RBFOX3: variants seen among roughly 807,000 people sequenced by gnomAD.
The protein encoded by RBFOX3 is RNA binding fox-1 homolog 3.
A neutral mutation model predicts 48.7 loss-of-function variants in RBFOX3; 17 were observed. The observed-to-expected ratio is 0.35, with a 90% CI of 0.24 to 0.52. RBFOX3 has a LOEUF of 0.52. Among genes scored for constraint, RBFOX3 ranks in the 20% least tolerant of loss-of-function variants. The probability of loss-of-function intolerance (pLI) is 0.94; values close to 1 mark genes in which losing one functional copy is unlikely to be tolerated. For synonymous variants in RBFOX3, 212 were observed against 209.5 expected (o/e 1.01, Z -0.10); for missense variants, 382 against 497.5 (o/e 0.77, Z 2.21).
intron 2 of RBFOX3, among the ~76,000 whole-genome samples, chr17:79,371,553 T>C (rs1170639639): frequency 6.6e-6 from 1 of 152,156 alleles, no homozygotes; most frequent in Non-Finnish European, 1.5e-5. Flanking sequence ...GACACCACTC[T>C]GTTTAAAGAG....
At chr17:79,462,633 C>T (rs1598799330) in intron 2 of RBFOX3, among the ~76,000 whole-genome samples, 1 of 152,168 alleles carries the variant, frequency 6.6e-6, no homozygotes, top group Non-Finnish European at 1.5e-5. Context: ...GGATCCTGCT[C>T]AGTGTCCTAC....
intron 3 of RBFOX3, among the ~76,000 whole-genome samples, chr17:79,250,772 T>C (rs8076028): frequency 0.18 from 26,540 of 150,628 alleles, 2,985 homozygotes; most frequent in African/African-American, 0.32. Context: ...TTTCTTTTTC[T>C]TTCCCTCCCT....
chr17:79,262,996 A>T (rs1035310545), intron 3 of RBFOX3, among the ~76,000 whole-genome samples: 9 of 152,218 alleles, frequency 5.9e-5, no homozygotes, highest in African/African-American at 2.2e-4. Context: ...GTAAGGCCTC[A>T]GCTGCCTCCC....
intron 12 of RBFOX3, 80 bp downstream of exon 12, chr17:79,096,573 T>G: frequency 7.9e-7 from 1 of 1,266,468 alleles, no homozygotes; most frequent in Non-Finnish European, 1.1e-6. Flanking sequence ...GAGCGGGCAG[T>G]GAGAGAGGAG....
rs1265945560 is a variant in RBFOX3 at position 79,311,647 on chromosome 17, G to A, written c.-174-3823C>T. Reference sequence around the variant, plus strand: ...GTCCTGTTGACTTTGTTTACCTGGAGAACTCTGAGTCAGGCCCTCTGGGGT... The same window carrying A: ...GTCCTGTTGACTTTGTTTACCTGGAAAACTCTGAGTCAGGCCCTCTGGGGT... On this transcript the variant is annotated intron_variant, in intron 2 of 14. Transcript: ENST00000693108. This position sits in a 1 kb window ranked among gnomAD's most constrained non-coding sequence, Gnocchi z 4.2. Among the ~76,000 whole-genome samples the A allele has an allele frequency of 6.6e-6, 1 of 152,122 alleles. No homozygotes were observed. Among genetic ancestry groups the A allele is most frequent in the Non-Finnish European group, 1.5e-5 (1 of 68,040 alleles).
intron 3 of RBFOX3, among the ~76,000 whole-genome samples, chr17:79,261,429 G>A (rs2065758160): frequency 6.6e-6 from 1 of 152,196 alleles, no homozygotes. Flanking sequence ...AGAAAGTGGT[G>A]TTCTGAGGGG....
At chr17:79,659,980 A>G in the RBFOX3 span, among the ~76,000 whole-genome samples, 78 of 152,182 alleles carry the variant, frequency 5.1e-4, no homozygotes, top group Non-Finnish European at 2.6e-4. Flanking sequence ...TGAGGTCAGG[A>G]GCTCAAGACC....
intron 3 of RBFOX3, among the ~76,000 whole-genome samples, chr17:79,259,596 G>T (rs1337648504): frequency 6.6e-6 from 1 of 152,136 alleles, no homozygotes; most frequent in Admixed American, 6.5e-5. Context: ...GCCTGGGACC[G>T]CATGGAAGGG....
chr17:79,397,813 G>A (rs761584152), intron 2 of RBFOX3, among the ~76,000 whole-genome samples: 40 of 152,150 alleles, frequency 2.6e-4, no homozygotes, highest in Admixed American at 1.3e-4. Flanking sequence ...AGGCCACAGC[G>A]GTGGGCAGGG....
chr17:79,090,380 G>C lies in RBFOX3; in HGVS notation c.*503C>G, dbSNP rs1376979925. ...GCCCAGTGGAGCCCCTGGGATGAAAGCTGCCCGCACCCCTCAGCCCCGCCG... is the reference window on the plus strand; with the variant it reads ...GCCCAGTGGAGCCCCTGGGATGAAACCTGCCCGCACCCCTCAGCCCCGCCG... On this transcript the variant is annotated 3_prime_UTR_variant, in exon 15 of 15. Coordinates refer to ENST00000693108, the MANE Select transcript of RBFOX3 (RefSeq NM_001350451.2). 1 of 154,052 alleles carries C rather than the reference G, an allele frequency of 6.5e-6. No homozygotes were observed. The highest frequency in any genetic ancestry group is 6.5e-5 in the Admixed American group (1 of 15,348). 9.5% of individuals were successfully genotyped at this position (154,052 alleles called of 1,614,324 possible). A position where few individuals can be genotyped will look rare whatever the true frequency, so the allele number is the denominator to read the frequency against.
intron 14 of RBFOX3, among the ~76,000 whole-genome samples, chr17:79,091,402 G>A (rs1204517097): frequency 6.6e-6 from 1 of 152,230 alleles, no homozygotes; most frequent in African/African-American, 2.4e-5. Flanking sequence ...GCCAGTGCCA[G>A]GAAAGGACTG....
At chr17:79,107,871 G>A (rs72853385) in intron 5 of RBFOX3, among the ~76,000 whole-genome samples, 5,670 of 152,298 alleles carry the variant, frequency 0.037, 157 homozygotes, top group Middle Eastern at 0.065. Context: ...CCTCGGTGGC[G>A]ACAGGCACAG....
intron 4 of RBFOX3, among the ~76,000 whole-genome samples, chr17:79,192,047 A>C (rs567400614): frequency 6.6e-6 from 1 of 152,034 alleles, no homozygotes; most frequent in Non-Finnish European, 1.5e-5. Flanking sequence ...TTAGGTGTGA[A>C]GCTATTCTGA....
At chr17:79,286,152 T>A (rs2071821962) in intron 3 of RBFOX3, among the ~76,000 whole-genome samples, 1 of 152,214 alleles carries the variant, frequency 6.6e-6, no homozygotes, top group African/African-American at 2.4e-5. Flanking sequence ...GGCCTGCCTC[T>A]CCGAGCCCTT....
chr17:79,387,386 AAC>A (rs1008661056), intron 2 of RBFOX3, among the ~76,000 whole-genome samples: 2 of 152,238 alleles, frequency 1.3e-5, no homozygotes, highest in African/African-American at 2.4e-5. Context: ...CATGAAGGCA[AAC>A]ACACTCTGGG....
intron 3 of RBFOX3, among the ~76,000 whole-genome samples, chr17:79,296,082 G>A (rs1280069452): frequency 6.6e-6 from 1 of 152,112 alleles, no homozygotes; most frequent in South Asian, 2.1e-4. Context: ...GGGGAGCAAC[G>A]GGGTGAATTA....
At chr17:79,139,985 C>A (rs905705325) in intron 4 of RBFOX3, among the ~76,000 whole-genome samples, 1 of 152,202 alleles carries the variant, frequency 6.6e-6, no homozygotes, top group Non-Finnish European at 1.5e-5. Context: ...CAGGGCCAGG[C>A]CTGGTGTCCA....
At chr17:79,264,737 C>T (rs1318092412) in intron 3 of RBFOX3, among the ~76,000 whole-genome samples, 1 of 152,114 alleles carries the variant, frequency 6.6e-6, no homozygotes, top group Non-Finnish European at 1.5e-5. Context: ...AAGCATGGGC[C>T]CGGGGTACAG....
chr17:79,608,768 C>A (rs1037305965), intron 1 of RBFOX3, among the ~76,000 whole-genome samples: 1 of 146,510 alleles, frequency 6.8e-6, no homozygotes, highest in Non-Finnish European at 1.5e-5. Context: ...CAGGAGTGTG[C>A]GGTGAGCGGT....
Sources: allele counts gnomAD v4.1 joint callset (sites outside exome capture counted in the v4.1 genomes callset), GRCh38; gene constraint gnomAD v4.1.1; non-coding constraint Gnocchi (gnomAD v3.1); transcripts MANE v1.5; gene names NCBI Gene and HGNC (gene_info 2026-07-23, HGNC 2026-07-21).